Variants in CNOT4 observed in about 807,000 individuals in gnomAD.
CNOT4 encodes CCR4-associated factor 4.
CNOT4 carries 8 observed loss-of-function variants against 73.8 expected under a neutral mutation model. That is an observed-to-expected ratio of 0.11 (90% CI 0.06 to 0.20). The LOEUF (loss-of-function observed/expected upper bound fraction) is 0.20, where lower values mean the gene tolerates loss of function less well. Ranked by LOEUF, CNOT4 falls within the 10% of genes least tolerant of loss-of-function variation. CNOT4 has a pLI of 1.00. For synonymous variants in CNOT4, 293 were observed against 321.1 expected, an observed-to-expected ratio of 0.91 and a Z score of 0.94; for missense variants, 564 against 883.4, an observed-to-expected ratio of 0.64 and a Z score of 4.58.
At chr7:135,403,166 T>C (rs1797093090) in intron 7 of CNOT4, among the ~76,000 whole-genome samples, 1 of 152,226 alleles carries the variant, frequency 6.6e-6, no homozygotes, top group African/African-American at 2.4e-5. Context: ...TTTCCAAATT[T>C]CACTGTCATG....
rs752688336 is a variant in CNOT4, at chr7:135,394,115, G to C, written c.1430C>G (p.Pro477Arg). 1 of 1,614,170 alleles carries C rather than the reference G, an allele frequency of 6.2e-7. No individual in the cohort carries two copies. Among genetic ancestry groups the C allele is most frequent in the Non-Finnish European group, 8.5e-7 (1 of 1,180,024 alleles). Reference sequence around the variant, plus strand: ...AACCGCTCGGTGCTGCTGAAATTGAGGGAACCTCTGGGGCAAGACTGAAAA... The same window carrying C: ...AACCGCTCGGTGCTGCTGAAATTGACGGAACCTCTGGGGCAAGACTGAAAA... ...STFSVLPQRF[P>R]QFQQHRAVYN... The change falls in exon 10 of 12, where the codon CCT (proline) becomes CGT (arginine). Residue 477 changes from proline to arginine, a missense_variant. Coordinates refer to ENST00000541284, the MANE Select transcript of CNOT4 (RefSeq NM_001190850.2).
chr7:135,482,246 T>C (rs147647431), intron 1 of CNOT4, among the ~76,000 whole-genome samples: 136 of 152,226 alleles, frequency 8.9e-4, no homozygotes, highest in Non-Finnish European at 9.0e-4. Flanking sequence ...ACTGAATTCA[T>C]AGTTTAAAAG....
At chr7:135,429,807 A>G (rs566926427) in intron 2 of CNOT4, among the ~76,000 whole-genome samples, 1 of 152,348 alleles carries the variant, frequency 6.6e-6, no homozygotes, top group East Asian at 1.9e-4. Context: ...GAAAAAAGAA[A>G]TAAGACCGAT....
intron 1 of CNOT4, among the ~76,000 whole-genome samples, chr7:135,474,164 G>A (rs1044699377): frequency 6.6e-6 from 1 of 151,236 alleles, no homozygotes; most frequent in Non-Finnish European, 1.5e-5. Context: ...AGTTTTAGTA[G>A]AGACAGGGTT....
At chr7:135,386,908 G>A (rs1365996573) in intron 10 of CNOT4, 1 of 171,566 alleles carries the variant, frequency 5.8e-6, no homozygotes, top group Non-Finnish European at 1.2e-5. Flanking sequence ...CAACACCAAG[G>A]AGCAAATGGC....
chr7:135,493,099 G>A (rs1050029073), intron 1 of CNOT4, among the ~76,000 whole-genome samples: 3 of 152,290 alleles, frequency 2.0e-5, no homozygotes, highest in South Asian at 2.1e-4. Flanking sequence ...CCCATCTCCA[G>A]GCTCTTGGTT....
At chr7:135,457,718 T>A (rs965319957) in intron 1 of CNOT4, among the ~76,000 whole-genome samples, 2 of 152,104 alleles carry the variant, frequency 1.3e-5, no homozygotes, top group African/African-American at 4.8e-5. Context: ...TTACTTAACT[T>A]CATTGTAATA....
At chr7:135,478,265 T>C (rs1373736346) in intron 1 of CNOT4, among the ~76,000 whole-genome samples, 2 of 152,198 alleles carry the variant, frequency 1.3e-5, no homozygotes, top group Non-Finnish European at 2.9e-5. Flanking sequence ...AACCAAAATA[T>C]TGGCATTTCT....
At chr7:135,453,826 T>TTATATATTTATA in intron 1 of CNOT4, among the ~76,000 whole-genome samples, 1 of 89,902 alleles carries the variant, frequency 1.1e-5, no homozygotes, top group Non-Finnish European at 2.3e-5. Context: ...TATATATATT[T>TTATATATTTATA]TATATATATA....
intron 9 of CNOT4, 42 bp from the exon 10 acceptor site, chr7:135,394,457 T>A: frequency 2.7e-6 from 4 of 1,471,856 alleles, no homozygotes; most frequent in Non-Finnish European, 3.7e-6. Flanking sequence ...GATACATAGC[T>A]CATTTTCATA....
chr7:135,383,889 A>G (rs564060165), intron 10 of CNOT4, among the ~76,000 whole-genome samples: 4 of 152,334 alleles, frequency 2.6e-5, no homozygotes, highest in Admixed American at 2.0e-4. Context: ...ATACATTTCA[A>G]TGTGGTCTTC....
intron 1 of CNOT4, among the ~76,000 whole-genome samples, chr7:135,465,964 G>A (rs902054395): frequency 4.6e-5 from 7 of 151,768 alleles, no homozygotes; most frequent in African/African-American, 7.3e-5. Flanking sequence ...CAGGAGAATC[G>A]CTTGAACCTG....
intron 10 of CNOT4, chr7:135,387,457 A>C (rs1796178821): frequency 2.0e-6 from 2 of 982,922 alleles, no homozygotes; most frequent in Non-Finnish European, 2.4e-6. Context: ...CTCCAACTCC[A>C]ACATGACATT....
At chr7:135,483,299 C>T (rs1262602076) in intron 1 of CNOT4, among the ~76,000 whole-genome samples, 1 of 151,526 alleles carries the variant, frequency 6.6e-6, no homozygotes, top group African/African-American at 2.4e-5. Context: ...AATCATGCCA[C>T]TGCCTTCCAG....
chr7:135,411,599 AATAAATG>A (rs1797591579), intron 6 of CNOT4, among the ~76,000 whole-genome samples: 1 of 152,034 alleles, frequency 6.6e-6, no homozygotes, highest in South Asian at 2.1e-4. Context: ...TAGACACAAA[AATAAATG>A]ATAATGAACT....
chr7:135,438,537 T>G (rs1025929461), intron 1 of CNOT4, 114 bp from the exon 2 acceptor site: 5 of 392,560 alleles, frequency 1.3e-5, no homozygotes, highest in Non-Finnish European at 1.8e-5. Context: ...ACTACTGTTA[T>G]CAACCTGAAA....
chr7:135,504,468 T>TA (rs1804209484), intron 1 of CNOT4, among the ~76,000 whole-genome samples: 1 of 52,958 alleles, frequency 1.9e-5, no homozygotes, highest in Admixed American at 1.7e-4. Flanking sequence ...GCTAATTTTT[T>TA]TTTTTTTTTT....
At chr7:135,488,145 A>C (rs1243658318) in intron 1 of CNOT4, among the ~76,000 whole-genome samples, 1 of 152,158 alleles carries the variant, frequency 6.6e-6, no homozygotes, top group East Asian at 1.9e-4. Context: ...TTTTCAAAAA[A>C]AAAATTAATA....
chr7:135,463,795 T>C (rs1801038938), intron 1 of CNOT4, among the ~76,000 whole-genome samples: 3 of 149,562 alleles, frequency 2.0e-5, no homozygotes, highest in Admixed American at 2.0e-4. Flanking sequence ...CTGACAAAGG[T>C]CTAATATCCA....
Sources: allele counts gnomAD v4.1 joint callset (sites outside exome capture counted in the v4.1 genomes callset), GRCh38; gene constraint gnomAD v4.1.1; transcripts MANE v1.5; gene names NCBI Gene and HGNC (gene_info 2026-07-23, HGNC 2026-07-21).